Variants in RUNX2 observed in about 807,000 individuals in gnomAD.
RUNX2 encodes the protein runt-related transcription factor 2.
In RUNX2, 10 loss-of-function variants were observed where a neutral mutation model predicts 51.7. That is an observed-to-expected ratio of 0.19 (90% confidence interval 0.12 to 0.33). The LOEUF (loss-of-function observed/expected upper bound fraction) is 0.33, where lower values mean the gene tolerates loss of function less well. Among genes scored for constraint, RUNX2 ranks in the 10% least tolerant of loss-of-function variants. The probability of loss-of-function intolerance (pLI) is 1.00; values close to 1 mark genes in which losing one functional copy is unlikely to be tolerated. For missense variants in RUNX2, 562 were observed against 691.3 expected, an observed-to-expected ratio of 0.81 and a Z score of 2.10; for synonymous variants, 276 against 273.6, an observed-to-expected ratio of 1.01 and a Z score of -0.09.
chr6:45,491,626 T>G (rs111606434), intron 5 of RUNX2, among the ~76,000 whole-genome samples: 463 of 142,266 alleles, frequency 3.3e-3, no homozygotes, highest in African/African-American at 0.01. Context: ...CTGTTTGTTT[T>G]TTTTTTTTTT....
intron 6 of RUNX2, among the ~76,000 whole-genome samples, chr6:45,508,592 TTGAA>T (rs1354141734): frequency 6.6e-6 from 1 of 152,158 alleles, no homozygotes; most frequent in Non-Finnish European, 1.5e-5. Context: ...GACAGTGACC[TTGAA>T]AGAGACTGGC....
chr6:45,488,844 G>A (rs1198613242), intron 5 of RUNX2, among the ~76,000 whole-genome samples: 2 of 152,138 alleles, frequency 1.3e-5, no homozygotes, highest in African/African-American at 4.8e-5. Context: ...CGTTGGATGA[G>A]GTTTAGTCCT....
intron 7 of RUNX2, among the ~76,000 whole-genome samples, chr6:45,518,646 T>G (rs7754187): frequency 6.6e-6 from 1 of 151,996 alleles, no homozygotes; most frequent in African/African-American, 2.4e-5. Flanking sequence ...CTCTGATTTT[T>G]TACATGGTTT....
At chr6:45,424,629 G>T (rs1798334480) in intron 3 of RUNX2, among the ~76,000 whole-genome samples, 1 of 152,146 alleles carries the variant, frequency 6.6e-6, no homozygotes, top group Non-Finnish European at 1.5e-5. Context: ...ACAGTTCCCA[G>T]TTGTTGATCA....
chr6:45,375,138 G>A (rs1796604095), intron 2 of RUNX2, among the ~76,000 whole-genome samples: 1 of 152,136 alleles, frequency 6.6e-6, no homozygotes, highest in Non-Finnish European at 1.5e-5. Context: ...ACCCAGGAGG[G>A]GGAGGTTGCA....
chr6:45,355,066 T>C (rs995026571), intron 2 of RUNX2, among the ~76,000 whole-genome samples: 2 of 151,866 alleles, frequency 1.3e-5, no homozygotes, highest in Non-Finnish European at 2.9e-5. Context: ...ACTCAACCAC[T>C]TGGGCTTAAG....
At chr6:45,525,979 C>T (rs1801665992) in intron 7 of RUNX2, among the ~76,000 whole-genome samples, 1 of 151,158 alleles carries the variant, frequency 6.6e-6, no homozygotes, top group Non-Finnish European at 1.5e-5. Context: ...GTGACAGAGA[C>T]TCTGTCTCCA....
intron 5 of RUNX2, among the ~76,000 whole-genome samples, chr6:45,441,656 T>TATA (rs2150374263): frequency 6.6e-6 from 1 of 152,318 alleles, no homozygotes; most frequent in South Asian, 2.1e-4. Flanking sequence ...TGTTCTCTAG[T>TATA]ATATTACTTT....
chr6:45,530,371 A>G (rs953583780), intron 7 of RUNX2, among the ~76,000 whole-genome samples: 4 of 152,254 alleles, frequency 2.6e-5, no homozygotes, highest in African/African-American at 9.6e-5. Context: ...AAATCCCTTC[A>G]GTTATCTAAA....
chr6:45,363,552 C>T (rs1794627294), intron 2 of RUNX2, among the ~76,000 whole-genome samples: 1 of 152,132 alleles, frequency 6.6e-6, no homozygotes, highest in Non-Finnish European at 1.5e-5. Flanking sequence ...ACCAGCTCTA[C>T]AGAAAATGAA....
At chr6:45,488,041 T>G (rs1216254271) in intron 5 of RUNX2, among the ~76,000 whole-genome samples, 2 of 152,072 alleles carry the variant, frequency 1.3e-5, no homozygotes, top group Non-Finnish European at 2.9e-5. Context: ...GGAGAGCACT[T>G]CAGGAATATG....
At position 45,491,935 on chromosome 6, in the gene RUNX2, T is replaced by C; in HGVS notation, c.686-6T>C. The C allele has an allele frequency of 6.2e-7, 1 of 1,613,812 alleles. No individual in the cohort carries two copies. Among genetic ancestry groups the C allele is most frequent in the Non-Finnish European group, 8.5e-7 (1 of 1,179,776 alleles). On this transcript the variant is annotated splice_region_variant and splice_polypyrimidine_tract_variant and intron_variant, in intron 5 of 8. Coordinates refer to ENST00000647337, the MANE Select transcript of RUNX2 (RefSeq NM_001024630.4). ...ATGCTTTTATTTTATGATTTGCTAT[T>C]TCCAGGGCACAGACAGAAGCTTGAT...
chr6:45,540,531 T>C (rs1802189401), intron 7 of RUNX2, among the ~76,000 whole-genome samples: 1 of 152,154 alleles, frequency 6.6e-6, no homozygotes, highest in Non-Finnish European at 1.5e-5. Context: ...TTTCCGTGTC[T>C]ATAAAACTCA....
intron 5 of RUNX2, among the ~76,000 whole-genome samples, chr6:45,470,339 G>A (rs867482978): frequency 6.6e-6 from 1 of 152,030 alleles, no homozygotes; most frequent in African/African-American, 2.4e-5. Flanking sequence ...TTTGAGCCTC[G>A]CCCAGAGCCC....
intron 6 of RUNX2, among the ~76,000 whole-genome samples, chr6:45,502,395 A>T (rs1800822788): frequency 6.6e-6 from 1 of 152,164 alleles, no homozygotes; most frequent in Admixed American, 6.5e-5. Flanking sequence ...TTGTTCTTGA[A>T]CTTTGGCACA....
intron 6 of RUNX2, among the ~76,000 whole-genome samples, chr6:45,499,881 C>G (rs1369360107): frequency 1.3e-5 from 2 of 152,126 alleles, no homozygotes; most frequent in Non-Finnish European, 2.9e-5. Context: ...AACACATCAT[C>G]TTTCTCTTTT....
intron 5 of RUNX2, among the ~76,000 whole-genome samples, chr6:45,482,942 A>G (rs1163562051): frequency 1.3e-5 from 2 of 152,192 alleles, no homozygotes; most frequent in Non-Finnish European, 2.9e-5. Context: ...GGTAGTGATT[A>G]TGATTTTTTT....
At chr6:45,431,070 AT>A (rs1244730311) in intron 3 of RUNX2, among the ~76,000 whole-genome samples, 1 of 152,198 alleles carries the variant, frequency 6.6e-6, no homozygotes, top group East Asian at 1.9e-4. Context: ...CCAAAGATGG[AT>A]TAATCTAGAT....
chr6:45,518,572 T>TACTGTTATTTGTAGCTAC (rs1411732449), intron 7 of RUNX2, among the ~76,000 whole-genome samples: 15 of 152,292 alleles, frequency 9.8e-5, no homozygotes, highest in Admixed American at 2.0e-4. Flanking sequence ...TATGATTAAT[T>TACTGTTATTTGTAGCTAC]ACTGTTATTT....
Sources: allele counts gnomAD v4.1 joint callset (sites outside exome capture counted in the v4.1 genomes callset), GRCh38; gene constraint gnomAD v4.1.1; transcripts MANE v1.5; gene names NCBI Gene and HGNC (gene_info 2026-07-23, HGNC 2026-07-21).